Variants in TNS1 observed in about 807,000 individuals in gnomAD.
The protein encoded by TNS1 is tensin 1.
In TNS1, 62 loss-of-function variants were observed where a neutral mutation model predicts 168.6. The observed-to-expected ratio is 0.37, with a 90% CI of 0.30 to 0.45. TNS1 has a LOEUF of 0.45. Among genes scored for constraint, TNS1 ranks in the 20% least tolerant of loss-of-function variants. The pLI is 1.00. For synonymous variants in TNS1, 934 were observed against 933.2 expected (o/e 1.00, Z -0.02); for missense variants, 2,240 against 2,339.4 (o/e 0.96, Z 0.88).
chr2:217,968,796 G>C (rs1471655779), intron 3 of TNS1, among the ~76,000 whole-genome samples: 1 of 151,872 alleles, frequency 6.6e-6, no homozygotes, highest in Non-Finnish European at 1.5e-5. Context: ...CCGGGTTCAA[G>C]AGATCTTCCT....
chr2:217,941,513 T>A (rs757338911), intron 3 of TNS1, among the ~76,000 whole-genome samples: 30 of 152,232 alleles, frequency 2.0e-4, no homozygotes, highest in Non-Finnish European at 3.2e-4. Context: ...GGGCTCTTGG[T>A]TCCTTACACA....
chr2:217,998,274 A>ATCTC (rs140299202), intron 1 of TNS1, among the ~76,000 whole-genome samples: 23 of 143,634 alleles, frequency 1.6e-4, no homozygotes, highest in Non-Finnish European at 9.2e-5. Context: ...CTCCATCAGC[A>ATCTC]TCTCTCTCTC....
At chr2:217,939,712 G>A (rs1175773247) in intron 3 of TNS1, among the ~76,000 whole-genome samples, 1 of 152,130 alleles carries the variant, frequency 6.6e-6, no homozygotes, top group Non-Finnish European at 1.5e-5. Context: ...CCACACCCAG[G>A]GCTGAGCTAC....
At chr2:218,020,309 T>C (rs1057253779) in intron 1 of TNS1, among the ~76,000 whole-genome samples, 7 of 151,888 alleles carry the variant, frequency 4.6e-5, no homozygotes, top group Non-Finnish European at 8.8e-5. Context: ...CTCTCTTCAA[T>C]TCAGCAAGGA....
intron 2 of TNS1, 73 bp from the exon 3 acceptor site, chr2:217,978,875 C>T (rs1382284617): frequency 4.3e-6 from 3 of 698,578 alleles, no homozygotes; most frequent in Admixed American, 2.0e-5. Context: ...GAAATCTCCT[C>T]CCACCCCAGC....
At chr2:217,989,482 G>T (rs1958294719) in intron 2 of TNS1, among the ~76,000 whole-genome samples, 1 of 152,124 alleles carries the variant, frequency 6.6e-6, no homozygotes, top group Non-Finnish European at 1.5e-5. Context: ...GGACGTGGGG[G>T]TGAAGGAGAG....
chr2:218,009,976 G>A (rs1333099169), intron 1 of TNS1: 1 of 394,856 alleles, frequency 2.5e-6, no homozygotes. Flanking sequence ...CCGAGACGGA[G>A]GGTCCCTGAG....
chr2:217,838,153 C>T (rs565863435), intron 19 of TNS1, among the ~76,000 whole-genome samples: 2 of 152,344 alleles, frequency 1.3e-5, no homozygotes, highest in South Asian at 2.1e-4. Flanking sequence ...GGCTCCTCTG[C>T]CCCCAGCAGC....
rs1433252631 is a variant in TNS1 at position 217,948,179 on chromosome 2, G to A, written c.187-27943C>T. ...TACAGCACTAAGGTGAAGTTCCTCTGAGCTGCGCTAAAAGCTGACAAGATT... is the reference window on the plus strand; with the variant it reads ...TACAGCACTAAGGTGAAGTTCCTCTAAGCTGCGCTAAAAGCTGACAAGATT... On this transcript the variant is annotated intron_variant, in intron 3 of 32. Transcript: ENST00000682258. This position sits in a 1 kb window ranked among gnomAD's most constrained non-coding sequence, Gnocchi z 4.1. Among the ~76,000 whole-genome samples, 1 of 152,224 alleles carries A rather than the reference G, an allele frequency of 6.6e-6. No homozygotes were observed. The highest frequency in any genetic ancestry group is 1.9e-4 in the East Asian group (1 of 5,196).
chr2:217,999,423 A>G (rs2105973601), intron 1 of TNS1, among the ~76,000 whole-genome samples: 1 of 152,376 alleles, frequency 6.6e-6, no homozygotes, highest in South Asian at 2.1e-4. Flanking sequence ...GCCTATGGTC[A>G]CACAGCTGTC....
At chr2:218,031,551 G>GT (rs1958900771) in intron 1 of TNS1, among the ~76,000 whole-genome samples, 1 of 132,116 alleles carries the variant, frequency 7.6e-6, no homozygotes, top group African/African-American at 3.9e-5. Context: ...GTGTGTATGA[G>GT]TGTATGTGTG....
intron 3 of TNS1, among the ~76,000 whole-genome samples, chr2:217,941,560 G>A (rs983409329): frequency 2.0e-5 from 3 of 152,086 alleles, no homozygotes; most frequent in African/African-American, 4.8e-5. Context: ...AGTGGTCTGC[G>A]CCCACGCCCC....
At chr2:217,965,675 G>A (rs1957607979) in intron 3 of TNS1, among the ~76,000 whole-genome samples, 2 of 152,178 alleles carry the variant, frequency 1.3e-5, no homozygotes, top group African/African-American at 4.8e-5. Flanking sequence ...GCAAGGAGCT[G>A]CTACTCACCA....
chr2:217,831,540 G>A lies in TNS1; in HGVS notation c.3288C>T (p.Ser1096=). 1.3e-6 allele frequency: 2 copies of A among 1,521,698 alleles called. No individual in the cohort carries two copies. Among genetic ancestry groups the A allele is most frequent in the East Asian group, 2.5e-5 (1 of 39,350 alleles). The allele number at this position is 1,521,698 out of a possible 1,614,324, so 94.3% of individuals were successfully genotyped here. Residue 1096 remains serine (S), a synonymous_variant, in exon 22 of 33, where the codon TCC becomes TCT. Transcript: ENST00000682258. ...GGGGTGTCTTGGCCAGACCCGGGGG[G>A]GACCGCACTGTGCCAGGAAGAAGAG... ...PSSPPPSGVR[S]PPGLAKTPLS...
At chr2:217,843,780 A>G (rs1364638) in intron 19 of TNS1, among the ~76,000 whole-genome samples, 68,531 of 151,744 alleles carry the variant, frequency 0.45, 16,942 homozygotes, top group African/African-American at 0.68. Context: ...CAGCCCCTTT[A>G]CAGCCTCTAC....
chr2:217,804,425 C>T lies in TNS1; in HGVS notation c.*34G>A, dbSNP rs751735638. 19 of 1,612,524 alleles carry T rather than the reference C, an allele frequency of 1.2e-5. No homozygotes were observed. In the Admixed American group the frequency reaches 3.2e-4, roughly 27 times the overall value. On this transcript the variant is annotated 3_prime_UTR_variant, in exon 33 of 33. Transcript: ENST00000682258. ...TGGGTCCCCTCCCCACAAGCCCCTT[C>T]CCCATGGCACTGGCCCTGGGCAAGG...
In TNS1 at chr2:217,818,191, C is replaced by T; in HGVS notation, c.4141G>A (p.Gly1381Arg). 1.9e-6 allele frequency: 3 copies of T among 1,613,894 alleles called. No homozygotes were observed. The highest frequency in any genetic ancestry group is 2.5e-6 in the Non-Finnish European group (3 of 1,179,920). Residue 1381 changes from glycine to arginine, a missense_variant, in exon 24 of 33, where the codon GGG (glycine) becomes AGG (arginine). Coordinates refer to ENST00000682258, the MANE Select transcript of TNS1 (RefSeq NM_001387777.1). ...GAGGCCAGGTTGCCTTGGTGAGCCCCAGGGTGCCGGCCCAGGCTGGGACTC... is the reference window on the plus strand; with the variant it reads ...GAGGCCAGGTTGCCTTGGTGAGCCCTAGGGTGCCGGCCCAGGCTGGGACTC... Reference protein sequence around the residue: ...PGSPSLGRHPGAHQGNLASGL... With the variant: ...PGSPSLGRHPRAHQGNLASGL...
chr2:217,936,945 G>A (rs974944340), intron 3 of TNS1: 9 of 456,670 alleles, frequency 2.0e-5, no homozygotes, highest in South Asian at 1.1e-4. Context: ...AGAGCTGGGA[G>A]GGAGACCCAC....
chr2:217,812,783 T>C (rs1255475187), intron 27 of TNS1, among the ~76,000 whole-genome samples: 2 of 152,194 alleles, frequency 1.3e-5, no homozygotes, highest in Non-Finnish European at 2.9e-5. Flanking sequence ...GCTCAGTCAC[T>C]TCTCACCTGT....
Sources: gnomAD v4.1 joint callset for allele counts (sites outside exome capture counted in the v4.1 genomes callset) on GRCh38, gnomAD v4.1.1 for gene constraint, Gnocchi (gnomAD v3.1) non-coding constraint, MANE v1.5 for transcripts, NCBI Gene and HGNC (gene_info 2026-07-23, HGNC 2026-07-21) for gene names.